The following TBC1D24 variants were observed in gnomAD, a reference collection of about 807,000 sequenced individuals.
TBC1D24 encodes Infantile myoclonic epilepsy.
Under a neutral mutation model 50.7 loss-of-function variants are expected in TBC1D24, and 47 were observed. The ratio of observed to expected loss-of-function variants is 0.93; its 90% confidence interval spans 0.73 to 1.18. The LOEUF (loss-of-function observed/expected upper bound fraction) is 1.18, where lower values mean the gene tolerates loss of function less well. Among genes scored for constraint, TBC1D24 ranks in the 50% most tolerant of loss-of-function variants. The pLI, the probability that TBC1D24 is intolerant of heterozygous loss-of-function variation, is 0.00. For synonymous variants in TBC1D24, 324 were observed against 335.2 expected, an observed-to-expected ratio of 0.97 and a Z score of 0.36; for missense variants, 688 against 766.5, an observed-to-expected ratio of 0.90 and a Z score of 1.21.
intron 1 of TBC1D24, among the ~76,000 whole-genome samples, chr16:2,492,208 G>A (rs1357978805): frequency 1.3e-5 from 2 of 152,032 alleles, no homozygotes; most frequent in Non-Finnish European, 2.9e-5. Flanking sequence ...AATGTCGTGC[G>A]CTCTTTTTGA....
chr16:2,497,194 C>A, intron 2 of TBC1D24, 81 bp downstream of exon 2: 1 of 1,579,184 alleles, frequency 6.3e-7, no homozygotes. Context: ...CTCATCCTGC[C>A]GGCCTCCAGG....
rs61731478 is a variant in TBC1D24 at position 2,496,754 on chromosome 16, G to A, written c.606G>A (p.Ser202=). Residue 202 remains serine (S), a synonymous_variant, in exon 2 of 8, where the codon TCG becomes TCA. Transcript: ENST00000646147. The part of the protein sequence containing the change: ...QAAHKLMVAV[S]EDVLQVYADW... ...CCCACAAGCTGATGGTGGCCGTGTC[G>A]GAGGATGTCCTGCAGGTCTATGCGG... 2.5e-5 allele frequency: 40 copies of A among 1,613,762 alleles called. No individual in the cohort carries two copies. The highest frequency in any genetic ancestry group is 8.3e-5 in the Admixed American group (5 of 60,006).
At position 2,504,202 on chromosome 16, in the gene TBC1D24, C is replaced by T. The variant is rs141287936; in HGVS notation, c.*3244C>T. 1 of 152,168 alleles carries T rather than the reference C, an allele frequency of 6.6e-6. No individual in the cohort carries two copies. The highest frequency in any genetic ancestry group is 6.5e-5 in the Admixed American group (1 of 15,292). 9.4% of individuals were successfully genotyped at this position (152,168 alleles called of 1,614,324 possible). A position where few individuals can be genotyped will look rare whatever the true frequency, so the allele number is the denominator to read the frequency against. On this transcript the variant is annotated 3_prime_UTR_variant, in exon 8 of 8. Transcript: ENST00000646147. ...ATTTCTCTTATCCACTTTCTGAACCCATAAAGCCTTTGCAGTCTCCTTGAG... is the reference window on the plus strand; with the variant it reads ...ATTTCTCTTATCCACTTTCTGAACCTATAAAGCCTTTGCAGTCTCCTTGAG...
In TBC1D24 at chr16:2,486,135, C is replaced by T. The variant is rs1387107392; in HGVS notation, c.-115-9899C>T. 6.6e-6 allele frequency among the ~76,000 whole-genome samples: 1 copy of T among 152,226 alleles called. No individual in the cohort carries two copies. Among genetic ancestry groups the T allele is most frequent in the Admixed American group, 6.5e-5 (1 of 15,284 alleles). ...TCCTCTGTATCCCCGCAGCACTTGG[C>T]AAGGTCCAGGGGCTTCCGTGGGGAG... On this transcript the variant is annotated intron_variant, in intron 1 of 7. Coordinates refer to ENST00000646147, the MANE Select transcript of TBC1D24 (RefSeq NM_001199107.2). The surrounding 1 kb of genome is among the most constrained non-coding windows in gnomAD (Gnocchi z 5.8).
Position 2,483,523 on chromosome 16 carries a change from G to A in TBC1D24, c.-116+8353G>A, listed in dbSNP as rs1335260621. 6.6e-6 allele frequency: 1 copy of A among 152,504 alleles called. No individual in the cohort carries two copies. Among genetic ancestry groups the A allele is most frequent in the East Asian group, 1.9e-4 (1 of 5,202 alleles). 9.4% of individuals were successfully genotyped at this position (152,504 alleles called of 1,614,324 possible). A position where few individuals can be genotyped will look rare whatever the true frequency, so the allele number is the denominator to read the frequency against. Reference sequence around the variant, plus strand: ...GCTGAGGGCTCTAGGAGAGGGTATGGGCAGGTGTATGAATGTGCAGCCTCT... The same window carrying A: ...GCTGAGGGCTCTAGGAGAGGGTATGAGCAGGTGTATGAATGTGCAGCCTCT... On this transcript the variant is annotated intron_variant, in intron 1 of 7. Transcript: ENST00000646147. The surrounding 1 kb of genome is among the most constrained non-coding windows in gnomAD (Gnocchi z 4.0).
chr16:2,497,592 T>A, intron 2 of TBC1D24, 118 bp from the exon 3 acceptor site: 1 of 1,015,246 alleles, frequency 9.8e-7, no homozygotes. Context: ...CCTGTTGGCG[T>A]GCAGCCCTCT....
At position 2,475,707 on chromosome 16, in the gene TBC1D24, C is replaced by T. The variant is rs1667818666; in HGVS notation, c.-116+537C>T. 6.6e-6 allele frequency among the ~76,000 whole-genome samples: 1 copy of T among 151,164 alleles called. No individual in the cohort carries two copies. The highest frequency in any genetic ancestry group is 2.1e-4 in the South Asian group (1 of 4,676). ...GTCCAGTGGGGGGCCCCTCTGGGTG[C>T]GCCGTGCCAGGCGGCCGCTGTCCTT... On this transcript the variant is annotated intron_variant, in intron 1 of 7. Transcript: ENST00000646147. The surrounding 1 kb of genome is among the most constrained non-coding windows in gnomAD (Gnocchi z 4.2).
chr16:2,487,046 T>C lies in TBC1D24; in HGVS notation c.-115-8988T>C, dbSNP rs9929516. Among the ~76,000 whole-genome samples, 10,765 of 152,230 alleles carry C rather than the reference T, an allele frequency of 0.071. 1,222 individuals carry two copies. The highest frequency in any genetic ancestry group is 0.24 in the African/African-American group (9,899 of 41,496). On this transcript the variant is annotated intron_variant, in intron 1 of 7. Transcript: ENST00000646147. The surrounding 1 kb of genome is among the most constrained non-coding windows in gnomAD (Gnocchi z 4.1). The stretch of plus-strand genomic sequence containing the variant: ...TCTGATCGGGTCACCTGCCTAGACT[T>C]TCCTCCTACCCCGTGTGGGGACACC...
intron 1 of TBC1D24, among the ~76,000 whole-genome samples, chr16:2,491,159 A>G (rs578259824): frequency 6.6e-6 from 1 of 152,226 alleles, no homozygotes; most frequent in Non-Finnish European, 1.5e-5. Flanking sequence ...TTGGCAGGAT[A>G]TATACCAAAA....
chr16:2,499,273 A>C lies in TBC1D24; in HGVS notation c.1143-84A>C. 7.6e-7 allele frequency: 1 copy of C among 1,317,004 alleles called. No homozygotes were observed. Among genetic ancestry groups the C allele is most frequent in the Non-Finnish European group, 1.1e-6 (1 of 928,228 alleles). The allele number at this position is 1,317,004 out of a possible 1,614,324, so 81.6% of individuals were successfully genotyped here. A position where few individuals can be genotyped will look rare whatever the true frequency, so the allele number is the denominator to read the frequency against. Reference sequence around the variant, plus strand: ...AGCACAGTTCCCAGGTCTTCGCCCCAAGACAGCTGGGGCCAGCGGAGGCTG... The same window carrying C: ...AGCACAGTTCCCAGGTCTTCGCCCCCAGACAGCTGGGGCCAGCGGAGGCTG... On this transcript the variant is annotated intron_variant, in intron 4 of 7. Transcript: ENST00000646147. This position sits in a 1 kb window ranked among gnomAD's most constrained non-coding sequence, Gnocchi z 4.0.
In TBC1D24 at chr16:2,499,705, T is replaced by G. The variant is rs999054105; in HGVS notation, c.1207-130T>G. On this transcript the variant is annotated intron_variant, in intron 5 of 7. Coordinates refer to ENST00000646147, the MANE Select transcript of TBC1D24 (RefSeq NM_001199107.2). This position sits in a 1 kb window ranked among gnomAD's most constrained non-coding sequence, Gnocchi z 4.0. ...TGCCTTTCCCACACCACTCCTGCCC[T>G]GGGGTGGGGGTGGGAGACGGCAATG... 8 of 873,048 alleles carry G rather than the reference T, an allele frequency of 9.2e-6. No individual in the cohort carries two copies. The highest frequency in any genetic ancestry group is 1.6e-5 in the Non-Finnish European group (8 of 510,102). 54.1% of individuals were successfully genotyped at this position (873,048 alleles called of 1,614,324 possible). A position where few individuals can be genotyped will look rare whatever the true frequency, so the allele number is the denominator to read the frequency against.
intron 1 of TBC1D24, chr16:2,481,981 G>GGTA (rs2141854349): frequency 6.6e-6 from 1 of 152,390 alleles, no homozygotes; most frequent in African/African-American, 2.4e-5. Context: ...GCAGCTACTT[G>GGTA]GTAGTCACTG....
chr16:2,489,725 A>G (rs1596962216), intron 1 of TBC1D24, among the ~76,000 whole-genome samples: 1 of 152,050 alleles, frequency 6.6e-6, no homozygotes, highest in African/African-American at 2.4e-5. Flanking sequence ...ACCCGCTGGG[A>G]CCGTGATGTC....
At position 2,485,904 on chromosome 16, in the gene TBC1D24, C is replaced by T. The variant is rs2065645737; in HGVS notation, c.-115-10130C>T. On this transcript the variant is annotated intron_variant, in intron 1 of 7. Transcript: ENST00000646147. The surrounding 1 kb of genome is among the most constrained non-coding windows in gnomAD (Gnocchi z 4.6). ...TCAGCCACCCCCACACCGTCCCTAC[C>T]ATTCCCACCTGGCCCGCTGCTGCCT... 2.0e-5 allele frequency among the ~76,000 whole-genome samples: 3 copies of T among 152,204 alleles called. No individual in the cohort carries two copies. The South Asian group carries it at 6.2e-4, about 31-fold the overall frequency.
chr16:2,489,703 G>A (rs1013152469), intron 1 of TBC1D24, among the ~76,000 whole-genome samples: 3 of 152,156 alleles, frequency 2.0e-5, no homozygotes, highest in African/African-American at 2.4e-5. Context: ...CTGCAGGACC[G>A]GCTGCGTGTT....
rs1333312772 is a variant in TBC1D24 at position 2,496,877 on chromosome 16, G to A, written c.729G>A (p.Val243=). ...LVEGYKVLYR[V]ALAILKFFHK... is the part of the protein sequence containing the mutation. ...AGGGCTACAAGGTGCTGTACCGCGT[G>A]GCGCTGGCCATCCTCAAGTTCTTCC... Residue 243 remains valine (V), a synonymous_variant, in exon 2 of 8, where the codon GTG becomes GTA. Coordinates refer to ENST00000646147, the MANE Select transcript of TBC1D24 (RefSeq NM_001199107.2). 8 of 1,614,014 alleles carry A rather than the reference G, an allele frequency of 5.0e-6. No individual in the cohort carries two copies. The highest frequency in any genetic ancestry group is 4.4e-5 in the South Asian group (4 of 91,096).
At chr16:2,476,207 C>G (rs986768344) in intron 1 of TBC1D24, among the ~76,000 whole-genome samples, 1 of 152,240 alleles carries the variant, frequency 6.6e-6, no homozygotes, top group Admixed American at 6.5e-5. Flanking sequence ...TGGGCCGTTT[C>G]CTCCACCCGA....
At chr16:2,484,706 A>C (rs1424846127) in intron 1 of TBC1D24, 1 of 152,300 alleles carries the variant, frequency 6.6e-6, no homozygotes, top group Non-Finnish European at 1.5e-5. Flanking sequence ...TGCCAGCTCC[A>C]TTGTTCCAGG....
chr16:2,489,033 G>C (rs1407463045), intron 1 of TBC1D24, among the ~76,000 whole-genome samples: 5 of 148,784 alleles, frequency 3.4e-5, no homozygotes, highest in African/African-American at 1.2e-4. Context: ...TCGTGCCACT[G>C]TATTCCAGCT....
Sources: gnomAD v4.1 joint callset for allele counts (sites outside exome capture counted in the v4.1 genomes callset) on GRCh38, gnomAD v4.1.1 for gene constraint, Gnocchi (gnomAD v3.1) non-coding constraint, MANE v1.5 for transcripts, NCBI Gene and HGNC (gene_info 2026-07-23, HGNC 2026-07-21) for gene names.